The following PRKD1 variants were observed in gnomAD, a reference collection of about 807,000 sequenced individuals.
PRKD1 encodes serine/threonine-protein kinase D1.
PRKD1 carries 63 observed loss-of-function variants against 95.9 expected under a neutral mutation model. The observed-to-expected ratio is 0.66, with a 90% CI of 0.54 to 0.81. The LOEUF (loss-of-function observed/expected upper bound fraction) is 0.81, where lower values mean the gene tolerates loss of function less well. Ranked by LOEUF, PRKD1 falls within the 30% of genes least tolerant of loss-of-function variation. The pLI, the probability that PRKD1 is intolerant of heterozygous loss-of-function variation, is 0.00. For missense variants in PRKD1, 1,048 were observed against 1,165.3 expected (o/e 0.90, Z 1.47); for synonymous variants, 425 against 423.1 (o/e 1.00, Z -0.05).
chr14:29,820,040 G>C (rs188626451), intron 1 of PRKD1, among the ~76,000 whole-genome samples: 1 of 152,286 alleles, frequency 6.6e-6, no homozygotes, highest in Non-Finnish European at 1.5e-5. Flanking sequence ...TAATATGAAA[G>C]TCTCTCCAAA....
intron 2 of PRKD1, among the ~76,000 whole-genome samples, chr14:29,718,847 A>G (rs1885749181): frequency 6.6e-6 from 1 of 152,174 alleles, no homozygotes; most frequent in Non-Finnish European, 1.5e-5. Flanking sequence ...TTAAAAGCAA[A>G]CAAACAAAAA....
chr14:29,739,368 T>TC lies in PRKD1; in HGVS notation c.265-13695_265-13694insG, dbSNP rs201111449. 6.4e-3 allele frequency among the ~76,000 whole-genome samples: 971 copies of TC among 151,478 alleles called. 3 individuals carry two copies. Among genetic ancestry groups the TC allele is most frequent in the African/African-American group, 0.022 (911 of 41,322 alleles). ...AAGCTATCTTCTGCTTAGACCTCTC[T>TC]TTTTTTTTAGCCACTCTCCTTTCTA... On this transcript the variant is annotated intron_variant, in intron 1 of 17. Transcript: ENST00000331968.
At chr14:29,772,646 T>C (rs775332183) in intron 1 of PRKD1, among the ~76,000 whole-genome samples, 16 of 152,192 alleles carry the variant, frequency 1.1e-4, no homozygotes, top group South Asian at 2.1e-4. Flanking sequence ...CAACTGCCTC[T>C]AGGTTGCAAA....
chr14:29,632,630 C>A (rs978133683), intron 9 of PRKD1, among the ~76,000 whole-genome samples: 10 of 151,342 alleles, frequency 6.6e-5, no homozygotes, highest in Admixed American at 3.3e-4. Flanking sequence ...CTCCCTCTCC[C>A]ATCATCCCAT....
At chr14:29,717,822 G>A (rs1885700086) in intron 2 of PRKD1, among the ~76,000 whole-genome samples, 1 of 152,114 alleles carries the variant, frequency 6.6e-6, no homozygotes. Flanking sequence ...TTCCGGGTTT[G>A]TCTTATTCCC....
chr14:29,676,860 G>A (rs1883256165), intron 2 of PRKD1, among the ~76,000 whole-genome samples: 1 of 152,134 alleles, frequency 6.6e-6, no homozygotes, highest in African/African-American at 2.4e-5. Flanking sequence ...ACCCTCTAGA[G>A]CTCTCATTTC....
At chr14:29,712,576 G>A (rs1885386683) in intron 2 of PRKD1, among the ~76,000 whole-genome samples, 3 of 152,146 alleles carry the variant, frequency 2.0e-5, no homozygotes, top group Admixed American at 2.0e-4. Flanking sequence ...TAAGCCTGAA[G>A]TCAGCACTGG....
chr14:29,577,390 C>G lies in PRKD1; in HGVS notation c.2587G>C (p.Glu863Gln). ...TTCTCCCACCTCAGGTCATCACTTT[C>G]ATGGGTGATGTAGCGCTCCCCGATT... ...CKIGERYITH[E>Q]SDDLRWEKYA... is the part of the protein sequence containing the mutation. Residue 863 changes from glutamate (E) to glutamine (Q), a missense_variant, in exon 18 of 18, where the codon GAA becomes CAA. Glu to Gln is a conservative substitution (Grantham distance 29). Around this residue, in one of 3 missense-constraint regions of PRKD1, gnomAD observed 739 missense variants for 861.9 expected, o/e 0.86. Coordinates refer to ENST00000331968, the MANE Select transcript of PRKD1 (RefSeq NM_002742.3). 6.2e-7 allele frequency: 1 copy of G among 1,613,802 alleles called. No individual in the cohort carries two copies. Among genetic ancestry groups the G allele is most frequent in the Non-Finnish European group, 8.5e-7 (1 of 1,179,812 alleles).
At chr14:29,678,925 G>A (rs45592147) in intron 2 of PRKD1, among the ~76,000 whole-genome samples, 3,578 of 152,124 alleles carry the variant, frequency 0.024, 74 homozygotes, top group Non-Finnish European at 0.038. Context: ...CTAAAAACAG[G>A]GGACAATGTG....
At chr14:29,756,390 C>A (rs1887698545) in intron 1 of PRKD1, among the ~76,000 whole-genome samples, 2 of 152,018 alleles carry the variant, frequency 1.3e-5, no homozygotes, top group South Asian at 4.1e-4. Flanking sequence ...AAGGTGTATT[C>A]AAAAATTTGA....
chr14:29,747,851 C>T (rs1218180651), intron 1 of PRKD1, among the ~76,000 whole-genome samples: 1 of 152,150 alleles, frequency 6.6e-6, no homozygotes, highest in Non-Finnish European at 1.5e-5. Context: ...TCAAGCGATT[C>T]TCATGCCTCT....
intron 1 of PRKD1, among the ~76,000 whole-genome samples, chr14:29,763,739 C>G (rs1888131871): frequency 6.6e-6 from 1 of 152,142 alleles, no homozygotes; most frequent in African/African-American, 2.4e-5. Context: ...GGAGGGGGAA[C>G]TGAGCACTTA....
intron 4 of PRKD1, among the ~76,000 whole-genome samples, chr14:29,648,143 T>C (rs1881250389): frequency 6.6e-6 from 1 of 152,226 alleles, no homozygotes; most frequent in African/African-American, 2.4e-5. Flanking sequence ...AACATTCTTT[T>C]TTAACTTTTA....
At chr14:29,594,248 A>T in intron 16 of PRKD1, 1 of 359,168 alleles carries the variant, frequency 2.8e-6, no homozygotes, top group Non-Finnish European at 5.4e-6. Flanking sequence ...ATTGTAACTT[A>T]TAACATTTTC....
chr14:29,577,497 CA>C, intron 17 of PRKD1, 41 bp from the exon 18 acceptor site: 1 of 1,553,308 alleles, frequency 6.4e-7, no homozygotes, highest in Non-Finnish European at 8.9e-7. Context: ...GAGATCATTA[CA>C]ACTCAACATA....
intron 1 of PRKD1, among the ~76,000 whole-genome samples, chr14:29,859,285 C>T (rs1302479687): frequency 6.6e-6 from 1 of 151,608 alleles, no homozygotes; most frequent in Non-Finnish European, 1.5e-5. Context: ...CCCTGGCTAA[C>T]ATGGTGAAAG....
At chr14:29,604,349 T>C (rs17573998) in intron 13 of PRKD1, among the ~76,000 whole-genome samples, 16,011 of 152,214 alleles carry the variant, frequency 0.11, 898 homozygotes, top group Non-Finnish European at 0.12. Context: ...GAGAATTAGA[T>C]TCAACCTATC....
At chr14:29,684,572 A>C (rs985434180) in intron 2 of PRKD1, among the ~76,000 whole-genome samples, 1 of 152,172 alleles carries the variant, frequency 6.6e-6, no homozygotes, top group African/African-American at 2.4e-5. Context: ...TTTGTTTTGA[A>C]TCAACTCATG....
At chr14:29,641,023 A>AT (rs1880724204) in intron 4 of PRKD1, among the ~76,000 whole-genome samples, 1 of 152,152 alleles carries the variant, frequency 6.6e-6, no homozygotes, top group Non-Finnish European at 1.5e-5. Context: ...AACTATAATT[A>AT]TTTTTGAGAG....
Sources: allele counts gnomAD v4.1 joint callset (sites outside exome capture counted in the v4.1 genomes callset), GRCh38; gene constraint gnomAD v4.1.1; regional missense constraint gnomAD v4.1.1; transcripts MANE v1.5; gene names NCBI Gene and HGNC (gene_info 2026-07-23, HGNC 2026-07-21).